Variants in OPCML observed in about 807,000 individuals in gnomAD.
OPCML encodes the protein opioid binding protein/cell adhesion molecule like, also known as opioid-binding protein/cell adhesion molecule.
OPCML carries 13 observed loss-of-function variants against 37.8 expected under a neutral mutation model. That is an observed-to-expected ratio of 0.34 (90% CI 0.22 to 0.55). The LOEUF (loss-of-function observed/expected upper bound fraction) is 0.55. Among genes scored for constraint, OPCML ranks in the 20% least tolerant of loss-of-function variants. The pLI is 0.91. For synonymous variants in OPCML, 176 were observed against 168.8 expected (o/e 1.04, Z -0.33); for missense variants, 341 against 435.6 (o/e 0.78, Z 1.93).
chr11:133,352,736 G>T (rs528363732), intron 1 of OPCML, among the ~76,000 whole-genome samples: 37 of 152,284 alleles, frequency 2.4e-4, no homozygotes, highest in African/African-American at 6.5e-4. Context: ...AACACAAGGG[G>T]AATGAGAGCT....
chr11:132,510,278 C>T (rs1194534071), intron 4 of OPCML, among the ~76,000 whole-genome samples: 2 of 152,070 alleles, frequency 1.3e-5, no homozygotes, highest in African/African-American at 2.4e-5. Context: ...TTTACAGGCT[C>T]ATAGGTGGAA....
intron 1 of OPCML, among the ~76,000 whole-genome samples, chr11:133,508,728 C>T (rs2120601645): frequency 6.6e-6 from 1 of 152,282 alleles, no homozygotes. Context: ...CACCACAGAT[C>T]ACATCTGCCT....
At chr11:133,344,561 T>C (rs1373946335) in intron 1 of OPCML, among the ~76,000 whole-genome samples, 4 of 152,140 alleles carry the variant, frequency 2.6e-5, no homozygotes, top group Non-Finnish European at 5.9e-5. Flanking sequence ...CTGCTCACTC[T>C]TCTTCCTTCA....
chr11:132,533,661 C>T (rs990620499), intron 3 of OPCML, among the ~76,000 whole-genome samples: 3 of 152,110 alleles, frequency 2.0e-5, no homozygotes, highest in Admixed American at 6.5e-5. Context: ...TAAAGCCTCT[C>T]CCCAGAGCTC....
At chr11:132,961,544 G>A (rs1677855538) in intron 1 of OPCML, among the ~76,000 whole-genome samples, 1 of 152,328 alleles carries the variant, frequency 6.6e-6, no homozygotes, top group African/African-American at 2.4e-5. Context: ...ACACTGATGT[G>A]AGATGTAATT....
intron 2 of OPCML, among the ~76,000 whole-genome samples, chr11:132,662,339 G>T (rs1273322291): frequency 6.8e-6 from 1 of 146,908 alleles, no homozygotes; most frequent in Non-Finnish European, 1.5e-5. Context: ...AATAATCACT[G>T]AAAATTAAAA....
chr11:132,834,528 T>C (rs1358307266), intron 2 of OPCML, among the ~76,000 whole-genome samples: 2 of 152,216 alleles, frequency 1.3e-5, no homozygotes, highest in Non-Finnish European at 2.9e-5. Context: ...TTGCCTCTTC[T>C]AGCATGCGAC....
chr11:132,589,808 C>A (rs565947853), intron 3 of OPCML, among the ~76,000 whole-genome samples: 1 of 152,090 alleles, frequency 6.6e-6, no homozygotes, highest in Non-Finnish European at 1.5e-5. Context: ...GTCTCTTTTG[C>A]GGAGGAGAAA....
intron 4 of OPCML, among the ~76,000 whole-genome samples, chr11:132,453,641 G>T (rs1163039143): frequency 6.6e-6 from 1 of 152,190 alleles, no homozygotes; most frequent in Non-Finnish European, 1.5e-5. Flanking sequence ...CCCAAAAAAT[G>T]CATGGTGATT....
intron 1 of OPCML, among the ~76,000 whole-genome samples, chr11:133,407,257 G>A (rs1470504739): frequency 6.6e-6 from 1 of 152,154 alleles, no homozygotes; most frequent in Admixed American, 6.5e-5. Flanking sequence ...GACAGAGTTA[G>A]AATTAATGCC....
At chr11:132,675,887 A>C (rs1049986914) in intron 2 of OPCML, among the ~76,000 whole-genome samples, 35 of 152,146 alleles carry the variant, frequency 2.3e-4, no homozygotes, top group African/African-American at 8.0e-4. Flanking sequence ...TACAGAGTCG[A>C]TGCAGTCTTT....
intron 3 of OPCML, among the ~76,000 whole-genome samples, chr11:132,642,315 A>G (rs1044042007): frequency 1.2e-4 from 18 of 152,204 alleles, no homozygotes; most frequent in African/African-American, 4.1e-4. Context: ...TGTTTTTCAG[A>G]AGTACATCTT....
intron 3 of OPCML, among the ~76,000 whole-genome samples, chr11:132,564,150 CT>C (rs1191893469): frequency 1.3e-5 from 2 of 152,232 alleles, no homozygotes; most frequent in Non-Finnish European, 1.5e-5. Context: ...GATCTTGAGT[CT>C]GGGGCTCTCT....
intron 1 of OPCML, among the ~76,000 whole-genome samples, chr11:133,331,178 C>T (rs1943611236): frequency 6.6e-6 from 1 of 152,204 alleles, no homozygotes; most frequent in Admixed American, 6.5e-5. Context: ...GCAGCAGACC[C>T]TGCAAGGAGT....
chr11:132,782,201 A>C (rs1349856139), intron 2 of OPCML, among the ~76,000 whole-genome samples: 1 of 151,852 alleles, frequency 6.6e-6, no homozygotes, highest in Non-Finnish European at 1.5e-5. Context: ...TGAAGTGAGG[A>C]GAGGAAGCGA....
At chr11:133,063,781 T>C (rs1010883821) in intron 1 of OPCML, among the ~76,000 whole-genome samples, 3 of 152,102 alleles carry the variant, frequency 2.0e-5, no homozygotes, top group African/African-American at 2.4e-5. Context: ...AGGCTGGTCT[T>C]GAACTCCTGA....
rs11223436 is a variant in OPCML at position 133,322,066 on chromosome 11, A to C, written c.61+210198T>G. On this transcript the variant is annotated intron_variant, in intron 1 of 7. Transcript: ENST00000524381. ...CAACTTTCAATTATTCATTCAAATG[A>C]AAGGCAGCTGCTAGTTTAAAAAAAT... Among the ~76,000 whole-genome samples the C allele has an allele frequency of 3.7e-4, 56 of 152,324 alleles. No individual in the cohort carries two copies. In the East Asian group the frequency reaches 9.7e-3, roughly 26 times the overall value.
At chr11:132,936,531 C>T (rs1434016276) in intron 2 of OPCML, among the ~76,000 whole-genome samples, 6 of 152,056 alleles carry the variant, frequency 3.9e-5, no homozygotes, top group East Asian at 1.9e-4. Context: ...GGCATGTCCC[C>T]GCCCCACAAC....
At chr11:133,354,283 A>ATGATGGTGGTGG (rs1565588729) in intron 1 of OPCML, among the ~76,000 whole-genome samples, 1 of 13,976 alleles carries the variant, frequency 7.2e-5, no homozygotes, top group African/African-American at 2.7e-4. Flanking sequence ...GGTGATAGTG[A>ATGATGGTGGTGG]TGGTGGTGCT....
Sources: gnomAD v4.1 joint callset for allele counts (sites outside exome capture counted in the v4.1 genomes callset) on GRCh38, gnomAD v4.1.1 for gene constraint, MANE v1.5 for transcripts, NCBI Gene and HGNC (gene_info 2026-07-23, HGNC 2026-07-21) for gene names.